THBS4: variants seen among roughly 807,000 people sequenced by gnomAD.
THBS4 encodes thrombospondin-4.
Under a neutral mutation model 115.7 loss-of-function variants are expected in THBS4, and 90 were observed. The ratio of observed to expected loss-of-function variants is 0.78; its 90% CI spans 0.66 to 0.93. THBS4 has a LOEUF of 0.93. THBS4 is among the 40% of genes least tolerant of loss of function. The probability of loss-of-function intolerance (pLI) is 0.00; values close to 1 mark genes in which losing one functional copy is unlikely to be tolerated. For synonymous variants in THBS4, 460 were observed against 479.3 expected (o/e 0.96, Z 0.53); for missense variants, 1,087 against 1,232.7 (o/e 0.88, Z 1.77).
In THBS4 at chr5:80,078,259, C is replaced by G. The variant is rs1743316945; in HGVS notation, c.2265+32C>G. On this transcript the variant is annotated intron_variant, in intron 17 of 21. Transcript: ENST00000350881. ...GTCACATGGGCGGCAATGGCTCAGC[C>G]TTGCCTCTCAACAGAGGCCCTTCTG... 6 of 1,528,268 alleles carry G rather than the reference C, an allele frequency of 3.9e-6. No homozygotes were observed. In the East Asian group the frequency reaches 1.4e-4, roughly 36 times the overall value. 94.7% of individuals were successfully genotyped at this position (1,528,268 alleles called of 1,614,324 possible). A position where few individuals can be genotyped will look rare whatever the true frequency, so the allele number is the denominator to read the frequency against.
At chr5:80,047,322 A>C (rs1196790767) in intron 2 of THBS4, among the ~76,000 whole-genome samples, 1 of 152,202 alleles carries the variant, frequency 6.6e-6, no homozygotes, top group Non-Finnish European at 1.5e-5. Flanking sequence ...CTGTCAAGTC[A>C]AAGATTACCT....
chr5:80,080,783 CACCATGCTG>C (rs1379665863), intron 20 of THBS4, among the ~76,000 whole-genome samples: 1 of 151,824 alleles, frequency 6.6e-6, no homozygotes, highest in Non-Finnish European at 1.5e-5. Context: ...GATGGGGTTT[CACCATGCTG>C]GCCAGGCTGG....
chr5:80,005,843 T>A (rs1190298305), intron 2 of THBS4, among the ~76,000 whole-genome samples: 1 of 146,050 alleles, frequency 6.8e-6, no homozygotes, highest in Admixed American at 7.0e-5. Flanking sequence ...CTCGGCTCAC[T>A]GCAACCTCTG....
intron 9 of THBS4, among the ~76,000 whole-genome samples, chr5:80,065,987 C>G (rs1046662541): frequency 2.0e-5 from 3 of 151,036 alleles, no homozygotes; most frequent in African/African-American, 7.3e-5. Flanking sequence ...CCCAGCTACT[C>G]TGGAGGCTGA....
At chr5:80,073,407 G>A (rs555312063) in intron 15 of THBS4, 80 bp downstream of exon 15, 74 of 1,249,016 alleles carry the variant, frequency 5.9e-5, no homozygotes, top group Middle Eastern at 2.5e-4. Context: ...TTTTTGAGGC[G>A]GAGTCTCACT....
chr5:80,041,412 T>C (rs1832897387), intron 2 of THBS4, among the ~76,000 whole-genome samples: 1 of 152,162 alleles, frequency 6.6e-6, no homozygotes, highest in South Asian at 2.1e-4. Flanking sequence ...AGGGGACAGA[T>C]ACAAACATTC....
rs369750342 is a variant in THBS4, at chr5:80,078,000, G to A, written c.2087-49G>A. 1.8e-4 allele frequency: 257 copies of A among 1,445,980 alleles called. 1 individual carries two copies. In the South Asian group the frequency reaches 2.6e-3, roughly 15 times the overall value. 89.6% of individuals were successfully genotyped at this position (1,445,980 alleles called of 1,614,324 possible). The stretch of plus-strand genomic sequence containing the variant: ...GCCCCCTTCCCTGCCAAGGAGTGGC[G>A]GTGGGTGTGAGCGCTATTGAGCTCC... On this transcript the variant is annotated intron_variant, in intron 16 of 21. Coordinates refer to ENST00000350881, the MANE Select transcript of THBS4 (RefSeq NM_003248.6).
At chr5:80,001,432 A>G (rs1479418850) in intron 2 of THBS4, among the ~76,000 whole-genome samples, 1 of 152,250 alleles carries the variant, frequency 6.6e-6, no homozygotes, top group Non-Finnish European at 1.5e-5. Flanking sequence ...AGTGATACCA[A>G]GATCAATCAG....
In THBS4 at chr5:80,005,387, A is replaced by G. The variant is rs566548051; in HGVS notation, n.177+6960A>G. ...ATAGTTAAAGGTTAATTTAATTAGC[A>G]AATTTGCAGTTATCTGAATTAAGTG... On this transcript the variant is annotated intron_variant and non_coding_transcript_variant, in intron 2 of 3. Coordinates refer to the THBS4 transcript ENST00000510218. Among the ~76,000 whole-genome samples, 4 of 152,366 alleles carry G rather than the reference A, an allele frequency of 2.6e-5. No individual in the cohort carries two copies. In the South Asian group the frequency reaches 8.3e-4, roughly 32 times the overall value.
chr5:80,028,012 G>A (rs999173476), intron 2 of THBS4, among the ~76,000 whole-genome samples: 1 of 151,528 alleles, frequency 6.6e-6, no homozygotes, highest in African/African-American at 2.4e-5. Flanking sequence ...CAGAGTTACT[G>A]CTCTATATAT....
chr5:80,070,450 G>A (rs1833999695), intron 11 of THBS4, 40 bp downstream of exon 11: 1 of 1,584,008 alleles, frequency 6.3e-7, no homozygotes, highest in Non-Finnish European at 8.7e-7. Flanking sequence ...CATGCACTGT[G>A]GCTTTCCAAA....
intron 16 of THBS4, among the ~76,000 whole-genome samples, chr5:80,077,760 G>A (rs1743285824): frequency 6.6e-6 from 1 of 152,226 alleles, no homozygotes; most frequent in African/African-American, 2.4e-5. Context: ...GAACTCAACT[G>A]TAGGTAATAA....
chr5:80,009,493 A>G (rs1296192662), intron 2 of THBS4, among the ~76,000 whole-genome samples: 1 of 152,210 alleles, frequency 6.6e-6, no homozygotes, highest in Non-Finnish European at 1.5e-5. Flanking sequence ...ATTAACGTTT[A>G]GAGTCTTTGT....
intron 20 of THBS4, 195 bp from the exon 21 acceptor site, chr5:80,082,211 C>G: frequency 1.6e-6 from 1 of 641,736 alleles, no homozygotes; most frequent in South Asian, 2.3e-5. Context: ...CACACGGTCC[C>G]TGCCCTCAAG....
At chr5:80,036,921 G>A (rs923341418) in intron 1 of THBS4, among the ~76,000 whole-genome samples, 2 of 152,192 alleles carry the variant, frequency 1.3e-5, no homozygotes, top group African/African-American at 2.4e-5. Context: ...CATTTAAACT[G>A]CATTTCGCCA....
intron 2 of THBS4, among the ~76,000 whole-genome samples, chr5:80,002,940 A>T (rs1831933750): frequency 6.6e-6 from 1 of 151,902 alleles, no homozygotes; most frequent in Admixed American, 6.6e-5. Context: ...AAAAAAACAA[A>T]AACATGTTGT....
Position 80,042,929 on chromosome 5 carries a change from G to A in THBS4, c.292+2649G>A, listed in dbSNP as rs138433510. ...TGCAGTGAGCTGAGATTGTGCCGCT[G>A]CACTCCACACTTCAGCCTGGGTGAC... On this transcript the variant is annotated intron_variant, in intron 2 of 21. Coordinates refer to ENST00000350881, the MANE Select transcript of THBS4 (RefSeq NM_003248.6). Among the ~76,000 whole-genome samples, 303 of 152,130 alleles carry A rather than the reference G, an allele frequency of 2.0e-3. 3 individuals carry two copies. The highest frequency in any genetic ancestry group is 0.015 in the East Asian group (77 of 5,158).
Position 80,071,032 on chromosome 5 carries a change from C to T in THBS4, c.1572C>T (p.Val524=), listed in dbSNP as rs1834029247. ...DGILNEQDNC[V]LIHNVDQRNS... ...CTTTCATCTTTTAGGATAACTGTGTCCTGATTCATAATGTGGACCAAAGGA... is the reference window on the plus strand; with the variant it reads ...CTTTCATCTTTTAGGATAACTGTGTTCTGATTCATAATGTGGACCAAAGGA... The change falls in exon 13 of 22, where the codon GTC becomes GTT. Residue 524 remains valine (V), a synonymous_variant. Coordinates refer to ENST00000350881, the MANE Select transcript of THBS4 (RefSeq NM_003248.6). The T allele has an allele frequency of 6.2e-7, 1 of 1,613,058 alleles. No individual in the cohort carries two copies. Among genetic ancestry groups the T allele is most frequent in the Non-Finnish European group, 8.5e-7 (1 of 1,179,858 alleles).
rs746107939 is a variant in THBS4, at chr5:80,078,966, GTGGGTAT to G, written c.2312_2314+4del. ...CATGAACAGTGATCCTGGCCTGGCA[GTGGGTAT>G]GTCCAGGGCCTCAGTTGCCACTCAC... On this transcript the variant is annotated splice_donor_variant and splice_donor_region_variant and coding_sequence_variant and intron_variant, in exon 18 of 22. Coordinates refer to ENST00000350881, the MANE Select transcript of THBS4 (RefSeq NM_003248.6). LOFTEE classifies it high-confidence loss of function. 2.5e-6 allele frequency: 4 copies of G among 1,614,166 alleles called. No individual in the cohort carries two copies. In the East Asian group the frequency reaches 8.9e-5, roughly 36 times the overall value.
Sources: gnomAD v4.1 joint callset for allele counts (sites outside exome capture counted in the v4.1 genomes callset) on GRCh38, gnomAD v4.1.1 for gene constraint, MANE v1.5 for transcripts, NCBI Gene and HGNC (gene_info 2026-07-23, HGNC 2026-07-21) for gene names.